Variants in MGAT4C observed in about 807,000 individuals in gnomAD.
MGAT4C encodes the protein MGAT4 family member C, also known as alpha-1,3-mannosyl-glycoprotein 4-beta-N-acetylglucosaminyltransferase C.
In MGAT4C, 19 loss-of-function variants were observed where a neutral mutation model predicts 40.1. That is an observed-to-expected ratio of 0.47 (90% CI 0.33 to 0.70). The LOEUF (loss-of-function observed/expected upper bound fraction) is 0.70. MGAT4C is among the 30% of genes least tolerant of loss of function. The pLI, the probability that MGAT4C is intolerant of heterozygous loss-of-function variation, is 0.02. For synonymous variants in MGAT4C, 181 were observed against 187.1 expected (o/e 0.97, Z 0.27); for missense variants, 491 against 563.2 (o/e 0.87, Z 1.30).
chr12:86,360,848 A>G (rs1189242451), intron 3 of MGAT4C, among the ~76,000 whole-genome samples: 2 of 152,206 alleles, frequency 1.3e-5, no homozygotes, highest in Non-Finnish European at 2.9e-5. Flanking sequence ...GATACAAACA[A>G]ATGGACGAAC....
At chr12:86,336,857 A>G (rs148438776) in intron 3 of MGAT4C, among the ~76,000 whole-genome samples, 5 of 152,316 alleles carry the variant, frequency 3.3e-5, no homozygotes, top group African/African-American at 1.2e-4. Flanking sequence ...ATGCGAGTTC[A>G]CTTTTATTTT....
At chr12:86,267,825 A>G (rs1952825984) in intron 4 of MGAT4C, among the ~76,000 whole-genome samples, 1 of 152,130 alleles carries the variant, frequency 6.6e-6, no homozygotes, top group African/African-American at 2.4e-5. Context: ...TTAGAACCAG[A>G]TTTTCACTTA....
intron 2 of MGAT4C, among the ~76,000 whole-genome samples, chr12:86,030,838 T>A (rs892570489): frequency 6.6e-6 from 1 of 151,786 alleles, no homozygotes; most frequent in African/African-American, 2.4e-5. Context: ...GCCAAAATAA[T>A]CCAAGTGACC....
intron 2 of MGAT4C, among the ~76,000 whole-genome samples, chr12:86,558,848 T>C (rs945791713): frequency 7.9e-5 from 12 of 151,924 alleles, no homozygotes; most frequent in Admixed American, 6.6e-4. Context: ...ATTAACAAAA[T>C]AATATAAATA....
intron 2 of MGAT4C, among the ~76,000 whole-genome samples, chr12:86,468,991 A>T (rs1016334730): frequency 3.3e-5 from 5 of 152,010 alleles, no homozygotes; most frequent in Admixed American, 1.3e-4. Flanking sequence ...ACCTCTTCAC[A>T]TATTATCCAA....
At chr12:86,420,573 T>C (rs1176332099) in intron 3 of MGAT4C, among the ~76,000 whole-genome samples, 1 of 152,018 alleles carries the variant, frequency 6.6e-6, no homozygotes, top group East Asian at 1.9e-4. Context: ...ATACTACCAG[T>C]TCATCTCCAT....
At chr12:86,730,693 G>A (rs1300380253) in intron 1 of MGAT4C, among the ~76,000 whole-genome samples, 6 of 152,038 alleles carry the variant, frequency 3.9e-5, no homozygotes, top group African/African-American at 1.4e-4. Context: ...TAAATTTCCA[G>A]TAAAATACTG....
In MGAT4C at chr12:86,727,559, T is replaced by TA. The variant is rs141196912; in HGVS notation, c.-261-319dup. Among the ~76,000 whole-genome samples the TA allele has an allele frequency of 1.2e-3, 175 of 150,392 alleles. 2 individuals are homozygous for TA. Among genetic ancestry groups the TA allele is most frequent in the African/African-American group, 3.9e-3 (160 of 41,086 alleles). ...GAAGAGGCAAAGGAAAGCCAGAAGTTAAAAAAAAAGATATTAATAGTAAAA... is the reference window on the plus strand; with the variant it reads ...GAAGAGGCAAAGGAAAGCCAGAAGTTAAAAAAAAAAGATATTAATAGTAAAA... On this transcript the variant is annotated intron_variant, in intron 1 of 7. Transcript: ENST00000548651.
At chr12:86,831,803 T>A (rs1450054620) in intron 1 of MGAT4C, among the ~76,000 whole-genome samples, 1 of 151,862 alleles carries the variant, frequency 6.6e-6, no homozygotes, top group Non-Finnish European at 1.5e-5. Context: ...ACTTGCATGA[T>A]AGATATTATA....
chr12:86,214,372 C>T (rs938427739), intron 1 of MGAT4C, among the ~76,000 whole-genome samples: 17 of 152,174 alleles, frequency 1.1e-4, no homozygotes, highest in Non-Finnish European at 2.1e-4. Context: ...GAATATTTGT[C>T]ATTATCTGAT....
intron 2 of MGAT4C, among the ~76,000 whole-genome samples, chr12:86,033,373 A>T (rs1475309203): frequency 2.7e-5 from 4 of 149,400 alleles, no homozygotes; most frequent in African/African-American, 9.7e-5. Flanking sequence ...TAAAATATTG[A>T]TTCTTTCTAT....
intron 2 of MGAT4C, among the ~76,000 whole-genome samples, chr12:86,612,337 A>G (rs1461978483): frequency 2.0e-5 from 3 of 152,180 alleles, no homozygotes; most frequent in Non-Finnish European, 2.9e-5. Flanking sequence ...AGCTAGCTGT[A>G]CATCTTTCTC....
At chr12:86,130,736 T>G (rs1345820618) in intron 1 of MGAT4C, among the ~76,000 whole-genome samples, 3 of 152,046 alleles carry the variant, frequency 2.0e-5, no homozygotes, top group African/African-American at 7.2e-5. Flanking sequence ...TATGTTGGTA[T>G]CTGGATTCAA....
chr12:86,664,162 A>G (rs575975096), intron 2 of MGAT4C, among the ~76,000 whole-genome samples: 169 of 151,558 alleles, frequency 1.1e-3, no homozygotes, highest in African/African-American at 4.0e-3. Context: ...TCAATGAACT[A>G]CTTCTACACT....
chr12:86,537,075 C>T (rs531713531), intron 2 of MGAT4C, among the ~76,000 whole-genome samples: 2 of 152,248 alleles, frequency 1.3e-5, no homozygotes, highest in African/African-American at 4.8e-5. Flanking sequence ...GTAGGGAGGA[C>T]ATGGATGAAG....
intron 1 of MGAT4C, among the ~76,000 whole-genome samples, chr12:86,191,469 A>T (rs986493618): frequency 1.3e-5 from 2 of 151,812 alleles, no homozygotes; most frequent in Non-Finnish European, 2.9e-5. Context: ...ATTTTAGGAC[A>T]TTCTGTCAAA....
At chr12:86,322,275 T>C (rs1954411807) in intron 4 of MGAT4C, among the ~76,000 whole-genome samples, 1 of 149,572 alleles carries the variant, frequency 6.7e-6, no homozygotes, top group South Asian at 2.2e-4. Context: ...CTAATGTAAA[T>C]GACGAGTTAA....
intron 1 of MGAT4C, among the ~76,000 whole-genome samples, chr12:86,064,923 C>G (rs1356559287): frequency 6.6e-6 from 1 of 152,186 alleles, no homozygotes; most frequent in Non-Finnish European, 1.5e-5. Flanking sequence ...TCAGAGAATA[C>G]TATAAACACC....
chr12:86,180,610 G>T (rs1888009213), intron 1 of MGAT4C, among the ~76,000 whole-genome samples: 1 of 152,204 alleles, frequency 6.6e-6, no homozygotes, highest in African/African-American at 2.4e-5. Flanking sequence ...GAGACCTGGA[G>T]TCAAAGGAGA....
Sources: gnomAD v4.1 joint callset for allele counts (sites outside exome capture counted in the v4.1 genomes callset) on GRCh38, gnomAD v4.1.1 for gene constraint, MANE v1.5 for transcripts, NCBI Gene and HGNC (gene_info 2026-07-23, HGNC 2026-07-21) for gene names.